The following SLCO2B1 variants were observed in gnomAD, a reference collection of about 807,000 sequenced individuals.
SLCO2B1 encodes the protein OATP-RP2.
Under a neutral mutation model 67.3 loss-of-function variants are expected in SLCO2B1, and 41 were observed. The observed-to-expected ratio is 0.61, with a 90% CI of 0.47 to 0.79. The LOEUF is 0.79. SLCO2B1 is among the 30% of genes least tolerant of loss of function. SLCO2B1 has a pLI of 0.00. For synonymous variants in SLCO2B1, 379 were observed against 381.4 expected, an observed-to-expected ratio of 0.99 and a Z score of 0.07; for missense variants, 837 against 920.1, an observed-to-expected ratio of 0.91 and a Z score of 1.17.
chr11:75,157,148 G>T (rs189051213), intron 1 of SLCO2B1: 2 of 152,334 alleles, frequency 1.3e-5, no homozygotes, highest in Admixed American at 6.5e-5. Context: ...TTTGAATTTT[G>T]TGGGGAGAGA....
At chr11:75,196,273 G>A in intron 9 of SLCO2B1, 1 of 526,320 alleles carries the variant, frequency 1.9e-6, no homozygotes, top group Non-Finnish European at 3.4e-6. Context: ...TCACTGAGGT[G>A]CAGAGATGTT....
intron 6 of SLCO2B1, 156 bp downstream of exon 6, chr11:75,169,920 G>GAGAT (rs1949939162): frequency 1.6e-6 from 1 of 620,128 alleles, no homozygotes; most frequent in Non-Finnish European, 2.9e-6. Flanking sequence ...TCTCATCTGT[G>GAGAT]AGATAATCTC....
At chr11:75,201,583 G>A (rs1945184513) in intron 11 of SLCO2B1, 1 of 152,186 alleles carries the variant, frequency 6.6e-6, no homozygotes, top group East Asian at 1.9e-4. Context: ...CAATGATTCT[G>A]ACTGACCAGC....
At chr11:75,159,637 G>C (rs1182981620) in intron 1 of SLCO2B1, 1 of 155,124 alleles carries the variant, frequency 6.4e-6, no homozygotes, top group African/African-American at 2.4e-5. Flanking sequence ...GCTCGGAGGG[G>C]GTGGGCAGCC....
intron 1 of SLCO2B1, 27 bp downstream of exon 1, chr11:75,151,424 C>T: frequency 1.9e-6 from 3 of 1,612,836 alleles, no homozygotes; most frequent in Non-Finnish European, 2.5e-6. Flanking sequence ...TAAGGAAGGG[C>T]CATGGAGAGC....
rs189492716 is a variant in SLCO2B1, at chr11:75,161,919, A to G, written c.17-736A>G. ...GTTACCATAGTTACCATGTGAGGAA[A>G]GCCAACATGCATAAGGGAGGCCAAG... is the stretch of plus-strand genomic sequence containing the variant. On this transcript the variant is annotated intron_variant, in intron 1 of 13. Transcript: ENST00000289575. 1.3e-4 allele frequency among the ~76,000 whole-genome samples: 20 copies of G among 152,206 alleles called. No homozygotes were observed. The East Asian group carries it at 3.9e-3, about 29-fold the overall frequency.
chr11:75,201,115 C>T (rs1478551122), intron 11 of SLCO2B1: 3 of 150,238 alleles, frequency 2.0e-5, no homozygotes, highest in African/African-American at 7.4e-5. Context: ...CAACCTCCTC[C>T]TCCTGGGTTC....
chr11:75,175,653 T>A (rs1226638441), intron 7 of SLCO2B1, among the ~76,000 whole-genome samples: 1 of 152,016 alleles, frequency 6.6e-6, no homozygotes, highest in Non-Finnish European at 1.5e-5. Flanking sequence ...AGACAAGGTC[T>A]GTCGGCTCTG....
At chr11:75,190,944 G>A (rs1945014134) in intron 8 of SLCO2B1, among the ~76,000 whole-genome samples, 1 of 152,208 alleles carries the variant, frequency 6.6e-6, no homozygotes, top group African/African-American at 2.4e-5. Context: ...TCCCCTGCAG[G>A]TAGACCTATC....
At chr11:75,165,625 G>A (rs944959387) in intron 3 of SLCO2B1, among the ~76,000 whole-genome samples, 162 bp from the exon 4 acceptor site, 15 of 152,226 alleles carry the variant, frequency 9.9e-5, no homozygotes, top group East Asian at 7.7e-4. Flanking sequence ...TAAGGGGGCC[G>A]TGCGGCCCTT....
intron 10 of SLCO2B1, among the ~76,000 whole-genome samples, chr11:75,197,690 C>T (rs1945120839): frequency 1.3e-5 from 2 of 152,086 alleles, no homozygotes; most frequent in Non-Finnish European, 2.9e-5. Flanking sequence ...CAGGATAGGA[C>T]ACAGAAGGCT....
chr11:75,197,319 T>C (rs1025416771), intron 10 of SLCO2B1, among the ~76,000 whole-genome samples: 25 of 152,148 alleles, frequency 1.6e-4, no homozygotes, highest in African/African-American at 5.8e-4. Context: ...TGGGGTTGGG[T>C]CCCAGAAGCC....
At chr11:75,171,924 A>G (rs532026949) in intron 6 of SLCO2B1, among the ~76,000 whole-genome samples, 1 of 152,162 alleles carries the variant, frequency 6.6e-6, no homozygotes. Flanking sequence ...AATGAGAAGG[A>G]GGAAGAGGAG....
At chr11:75,192,371 G>T (rs535630753) in intron 8 of SLCO2B1, among the ~76,000 whole-genome samples, 2 of 152,284 alleles carry the variant, frequency 1.3e-5, no homozygotes, top group East Asian at 3.9e-4. Context: ...TTCTGGTAGG[G>T]TGACAATAAA....
chr11:75,163,827 G>C, intron 2 of SLCO2B1, 136 bp from the exon 3 acceptor site: 1 of 967,734 alleles, frequency 1.0e-6, no homozygotes, highest in East Asian at 2.7e-5. Context: ...TCTTCTGTTG[G>C]TCACTCTCCC....
intron 7 of SLCO2B1, among the ~76,000 whole-genome samples, chr11:75,177,422 G>GC (rs1950039393): frequency 1.3e-5 from 2 of 152,170 alleles, no homozygotes; most frequent in Non-Finnish European, 2.9e-5. Context: ...AAGGCATCCT[G>GC]CAGTGGCAGG....
At chr11:75,161,233 G>T (rs532887626) in intron 1 of SLCO2B1, among the ~76,000 whole-genome samples, 1 of 152,348 alleles carries the variant, frequency 6.6e-6, no homozygotes, top group South Asian at 2.1e-4. Context: ...GAAATGTTCA[G>T]AATATAGGCA....
chr11:75,152,100 G>C (rs1422695633), intron 1 of SLCO2B1, among the ~76,000 whole-genome samples: 2 of 152,224 alleles, frequency 1.3e-5, no homozygotes, highest in African/African-American at 4.8e-5. Context: ...GGAGGAAAAA[G>C]GTCTTGAAGC....
intron 1 of SLCO2B1, among the ~76,000 whole-genome samples, chr11:75,156,626 G>A (rs1949750087): frequency 6.6e-6 from 1 of 152,166 alleles, no homozygotes; most frequent in African/African-American, 2.4e-5. Context: ...GAGGGCTCTT[G>A]GATCTCGTGC....
Sources: gnomAD v4.1 joint callset for allele counts (sites outside exome capture counted in the v4.1 genomes callset) on GRCh38, gnomAD v4.1.1 for gene constraint, MANE v1.5 for transcripts, NCBI Gene and HGNC (gene_info 2026-07-23, HGNC 2026-07-21) for gene names.